Variants in ZFHX3 observed in about 807,000 individuals in gnomAD.
The protein encoded by ZFHX3 is zinc finger homeobox protein 3.
ZFHX3 carries 42 observed loss-of-function variants against 279.1 expected under a neutral mutation model. The ratio of observed to expected loss-of-function variants is 0.15; its 90% CI spans 0.12 to 0.19. ZFHX3 has a LOEUF of 0.19. Among genes scored for constraint, ZFHX3 ranks in the 10% least tolerant of loss-of-function variants. ZFHX3 has a pLI of 1.00. For synonymous variants in ZFHX3, 2,293 were observed against 1,957.8 expected, an observed-to-expected ratio of 1.17 and a Z score of -4.52; for missense variants, 4,981 against 4,754.0, an observed-to-expected ratio of 1.05 and a Z score of -1.40.
chr16:73,774,291 T>C (rs920743773), intron 1 of ZFHX3, among the ~76,000 whole-genome samples: 1 of 152,222 alleles, frequency 6.6e-6, no homozygotes, highest in Non-Finnish European at 1.5e-5. Context: ...TGGCCTAGCA[T>C]GGTGCTTGTA....
At chr16:72,800,662 C>T (rs531841577) in intron 7 of ZFHX3, among the ~76,000 whole-genome samples, 11 of 152,276 alleles carry the variant, frequency 7.2e-5, no homozygotes, top group South Asian at 4.1e-4. Flanking sequence ...GCTAGGGACA[C>T]GCAGACATGC....
intron 2 of ZFHX3, among the ~76,000 whole-genome samples, chr16:73,531,400 A>C (rs2432547): frequency 0.73 from 111,622 of 152,108 alleles, 42,256 homozygotes; most frequent in African/African-American, 0.92. Context: ...TTATGCAGGA[A>C]TTGTCTTGTT....
intron 3 of ZFHX3, among the ~76,000 whole-genome samples, chr16:72,896,069 G>A (rs1015888889): frequency 1.3e-5 from 2 of 152,094 alleles, no homozygotes; most frequent in African/African-American, 4.8e-5. Flanking sequence ...GTCATAAATG[G>A]GAGCAGAAAA....
chr16:73,784,789 A>C (rs1484106255), intron 1 of ZFHX3, among the ~76,000 whole-genome samples: 30 of 97,362 alleles, frequency 3.1e-4, no homozygotes, highest in African/African-American at 2.0e-3. Context: ...AACAAAATAA[A>C]AAAAAAAATA....
At chr16:73,747,709 G>A (rs184667908) in intron 1 of ZFHX3, among the ~76,000 whole-genome samples, 3 of 152,086 alleles carry the variant, frequency 2.0e-5, no homozygotes, top group Non-Finnish European at 2.9e-5. Flanking sequence ...TATACTTATT[G>A]TATATATACA....
intron 4 of ZFHX3, among the ~76,000 whole-genome samples, chr16:72,855,716 G>A (rs1359171204): frequency 1.3e-5 from 2 of 152,076 alleles, no homozygotes; most frequent in East Asian, 1.9e-4. Context: ...TAATGCTCGC[G>A]CCAGAGAAAC....
chr16:73,625,024 A>C (rs1474497582), intron 2 of ZFHX3, among the ~76,000 whole-genome samples: 2 of 152,194 alleles, frequency 1.3e-5, no homozygotes, highest in African/African-American at 4.8e-5. Context: ...CCACACTTCC[A>C]GTGGCTGTTC....
At chr16:73,682,881 A>C (rs1342021812) in intron 1 of ZFHX3, among the ~76,000 whole-genome samples, 1 of 25,772 alleles carries the variant, frequency 3.9e-5, no homozygotes, top group Admixed American at 5.3e-4. Flanking sequence ...AAAGAAAGAA[A>C]GAAAGAAAGA....
chr16:73,415,122 TTTTTA>T (rs1312826666), intron 3 of ZFHX3, among the ~76,000 whole-genome samples: 1 of 152,224 alleles, frequency 6.6e-6, no homozygotes, highest in Non-Finnish European at 1.5e-5. Context: ...CTCTCTCAGT[TTTTTA>T]TTTTATTTTT....
intron 5 of ZFHX3, among the ~76,000 whole-genome samples, chr16:73,165,556 C>G (rs1432275394): frequency 1.3e-5 from 2 of 152,156 alleles, no homozygotes; most frequent in Admixed American, 1.3e-4. Context: ...TAACCAGACA[C>G]AGAAAGTGGA....
intron 1 of ZFHX3, among the ~76,000 whole-genome samples, chr16:73,032,547 C>T (rs956521806): frequency 3.3e-5 from 5 of 152,186 alleles, no homozygotes; most frequent in African/African-American, 9.7e-5. Context: ...AACTTCTCTT[C>T]GTCCCCAAAA....
At chr16:73,350,230 T>C (rs2016213163) in intron 3 of ZFHX3, among the ~76,000 whole-genome samples, 1 of 152,160 alleles carries the variant, frequency 6.6e-6, no homozygotes, top group Non-Finnish European at 1.5e-5. Flanking sequence ...TTCTCCATTC[T>C]GAACAAGAAT....
rs555013406 is a variant in ZFHX3 at position 73,654,559 on chromosome 16, T to C, written c.-1547+25621A>G. On this transcript the variant is annotated intron_variant, in intron 2 of 17. Coordinates refer to the ZFHX3 transcript ENST00000641206. ...GTCATTCATGAACATAGATATGAAATTCCTAAAAAATTTATTACTTAAACA... is the reference window on the plus strand; with the variant it reads ...GTCATTCATGAACATAGATATGAAACTCCTAAAAAATTTATTACTTAAACA... Among the ~76,000 whole-genome samples the C allele has an allele frequency of 9.9e-5, 15 of 152,120 alleles. No homozygotes were observed. The East Asian group carries it at 2.7e-3, about 28-fold the overall frequency.
chr16:73,489,008 A>G (rs1282860859), intron 2 of ZFHX3, among the ~76,000 whole-genome samples: 2 of 152,246 alleles, frequency 1.3e-5, no homozygotes, highest in Admixed American at 6.5e-5. Context: ...ATGGTATCAG[A>G]TACATAGCAA....
At chr16:73,787,271 T>C (rs1959676479) in intron 1 of ZFHX3, among the ~76,000 whole-genome samples, 1 of 152,128 alleles carries the variant, frequency 6.6e-6, no homozygotes, top group Non-Finnish European at 1.5e-5. Flanking sequence ...TCCAGTGCAA[T>C]ATCAGAGGAG....
At chr16:72,853,573 G>GT (rs1267105186) in intron 4 of ZFHX3, among the ~76,000 whole-genome samples, 7 of 152,270 alleles carry the variant, frequency 4.6e-5, no homozygotes, top group African/African-American at 1.7e-4. Flanking sequence ...CTGCTAAAGT[G>GT]TTTTTTAAGC....
intron 4 of ZFHX3, among the ~76,000 whole-genome samples, chr16:72,881,043 G>A (rs142835303): frequency 1.5e-3 from 227 of 152,278 alleles, no homozygotes; most frequent in Non-Finnish European, 2.1e-3. Flanking sequence ...TAAAATGCAA[G>A]CCAAAAAATA....
chr16:73,351,372 C>T (rs1409754952), intron 3 of ZFHX3, among the ~76,000 whole-genome samples: 1 of 152,186 alleles, frequency 6.6e-6, no homozygotes, highest in Non-Finnish European at 1.5e-5. Flanking sequence ...TGATTTTCAA[C>T]AGGCCGTATT....
chr16:73,043,011 T>C (rs1297602669), intron 1 of ZFHX3, among the ~76,000 whole-genome samples: 2 of 150,684 alleles, frequency 1.3e-5, no homozygotes, highest in African/African-American at 4.9e-5. Context: ...TGCAAGGGAG[T>C]TTCAGTGGCT....
Sources: gnomAD v4.1 joint callset for allele counts (sites outside exome capture counted in the v4.1 genomes callset) on GRCh38, gnomAD v4.1.1 for gene constraint, MANE v1.5 for transcripts, NCBI Gene and HGNC (gene_info 2026-07-23, HGNC 2026-07-21) for gene names.